SFXN4: variants seen among roughly 807,000 people sequenced by gnomAD.
SFXN4 encodes the protein sideroflexin-4.
SFXN4 carries 48 observed loss-of-function variants against 54.6 expected under a neutral mutation model. The observed-to-expected ratio is 0.88, with a 90% confidence interval of 0.70 to 1.12. The LOEUF is 1.12. Ranked by LOEUF, SFXN4 falls within the 50% of genes most tolerant of loss-of-function variation. The pLI, the probability that SFXN4 is intolerant of heterozygous loss-of-function variation, is 0.00. For missense variants in SFXN4, 383 were observed against 409.2 expected (o/e 0.94, Z 0.55); for synonymous variants, 130 against 145.5 (o/e 0.89, Z 0.77).
Position 119,146,428 on chromosome 10 carries a change from CGTGTGTGTGTGTGTGT to C in SFXN4, c.819-91_819-76del, listed in dbSNP as rs56031432. 2.9e-5 allele frequency: 16 copies of C among 559,674 alleles called. 2 individuals carry two copies. Among genetic ancestry groups the C allele is most frequent in the African/African-American group, 1.8e-4 (9 of 50,116 alleles). The allele number at this position is 559,674 out of a possible 1,614,324, so 34.7% of individuals were successfully genotyped here. A position where few individuals can be genotyped will look rare whatever the true frequency, so the allele number is the denominator to read the frequency against. On this transcript the variant is annotated intron_variant, in intron 12 of 13. Coordinates refer to ENST00000355697, the MANE Select transcript of SFXN4 (RefSeq NM_213649.2). ...TATTTTCTGAACAGCTGAATCAGGG[CGTGTGTGTGTGTGTGT>C]GTGTGTGTGTGTGTGTGCACGTGTG... is the stretch of plus-strand genomic sequence containing the variant.
chr10:119,160,973 CA>C lies in SFXN4; in HGVS notation c.280-5del. 1 of 1,614,046 alleles carries C rather than the reference CA, an allele frequency of 6.2e-7. No individual in the cohort carries two copies. The highest frequency in any genetic ancestry group is 8.5e-7 in the Non-Finnish European group (1 of 1,180,020). ...TGCTGTCGGGATGCACTGTTGCCTT[CA>C]AAAGGAGAGATGCAAGGTTAGCTGG... On this transcript the variant is annotated splice_polypyrimidine_tract_variant and splice_region_variant and intron_variant, in intron 4 of 13. Coordinates refer to ENST00000355697, the MANE Select transcript of SFXN4 (RefSeq NM_213649.2).
At position 119,141,328 on chromosome 10, in the gene SFXN4, T is replaced by C. The variant is rs370716265; in HGVS notation, c.937-9A>G. 5.0e-4 allele frequency: 759 copies of C among 1,519,032 alleles called. 2 individuals carry two copies. The highest frequency in any genetic ancestry group is 6.6e-4 in the Non-Finnish European group (730 of 1,108,122). The allele number at this position is 1,519,032 out of a possible 1,614,324, so 94.1% of individuals were successfully genotyped here. ...AGACTACAGTACTGTATCTGAAAAA[T>C]AGTTAAATTCATAATGTTTCTATTA... is the stretch of plus-strand genomic sequence containing the variant. On this transcript the variant is annotated splice_polypyrimidine_tract_variant and intron_variant, in intron 13 of 13. Coordinates refer to ENST00000355697, the MANE Select transcript of SFXN4 (RefSeq NM_213649.2).
chr10:119,165,512 T>G, intron 1 of SFXN4, 25 bp downstream of exon 1: 1 of 1,549,590 alleles, frequency 6.5e-7, no homozygotes, highest in Non-Finnish European at 8.7e-7. Context: ...TCCCTGCCCC[T>G]AGTCGCGCCG....
At chr10:119,165,443 A>G in intron 1 of SFXN4, 94 bp downstream of exon 1, 2 of 1,372,752 alleles carry the variant, frequency 1.5e-6, no homozygotes, top group South Asian at 3.1e-5. Context: ...GGGGGCGCCC[A>G]CGTGGCCTGG....
chr10:119,144,574 AT>A (rs1475169041), intron 13 of SFXN4, among the ~76,000 whole-genome samples: 6 of 151,156 alleles, frequency 4.0e-5, no homozygotes, highest in African/African-American at 7.3e-5. Context: ...AAAAAAAAAA[AT>A]GTCCTTGCTA....
intron 13 of SFXN4, among the ~76,000 whole-genome samples, chr10:119,144,826 C>T (rs1014860256): frequency 2.6e-5 from 4 of 152,074 alleles, no homozygotes; most frequent in African/African-American, 7.2e-5. Flanking sequence ...CTAGTCACAC[C>T]AGCCTCTCCT....
chr10:119,158,615 C>CAAAAAAA (rs35982987), intron 6 of SFXN4, among the ~76,000 whole-genome samples: 2 of 65,698 alleles, frequency 3.0e-5, no homozygotes, highest in Non-Finnish European at 5.3e-5. Context: ...GACTCCGTCT[C>CAAAAAAA]AAAAAAAAAA....
chr10:119,155,023 C>T, intron 11 of SFXN4, 39 bp downstream of exon 11: 1 of 1,446,068 alleles, frequency 6.9e-7, no homozygotes, highest in Non-Finnish European at 9.7e-7. Flanking sequence ...TAGTCGTTGC[C>T]CAAAAGGCAA....
chr10:119,165,569 G>T lies in SFXN4; in HGVS notation c.79C>A (p.Pro27Thr), dbSNP rs767558167. 6.3e-7 allele frequency: 1 copy of T among 1,592,106 alleles called. No individual in the cohort carries two copies. The highest frequency in any genetic ancestry group is 8.5e-7 in the Non-Finnish European group (1 of 1,171,238). Residue 27 changes from proline to threonine, a missense_variant, in exon 1 of 14, where the codon CCC becomes ACC. Pro to Thr is a conservative substitution (Grantham distance 38). Coordinates refer to ENST00000355697, the MANE Select transcript of SFXN4 (RefSeq NM_213649.2). ...TCGGTGATCCAGAAGCGCACGTTGGGCTCAATGAAGGCGGGGACGGCGTCT... is the reference window on the plus strand; with the variant it reads ...TCGGTGATCCAGAAGCGCACGTTGGTCTCAATGAAGGCGGGGACGGCGTCT... ...RRDAVPAFIE[P>T]NVRFWITERQ...
At chr10:119,142,546 C>CTTTTTT (rs35040668) in intron 13 of SFXN4, among the ~76,000 whole-genome samples, 1 of 118,268 alleles carries the variant, frequency 8.5e-6, no homozygotes. Context: ...TATTTTGTGT[C>CTTTTTT]TTTTTTTTTT....
At chr10:119,165,348 C>T (rs1847724963) in intron 1 of SFXN4, 189 bp downstream of exon 1, 2 of 1,305,880 alleles carry the variant, frequency 1.5e-6, no homozygotes, top group East Asian at 6.7e-5. Flanking sequence ...GCTTCGATTT[C>T]CCCTGCGTCC....
chr10:119,148,509 C>G (rs1414773226), intron 11 of SFXN4, among the ~76,000 whole-genome samples: 2 of 152,090 alleles, frequency 1.3e-5, no homozygotes, highest in Non-Finnish European at 2.9e-5. Context: ...ATTTCCCATC[C>G]AAGCCAAGTC....
chr10:119,146,278 C>T lies in SFXN4; in HGVS notation c.894G>A (p.Leu298=). ...ATATACTAAAAGAAAATGGCACCAT[C>T]AGTCCCATTGCCAGGACAGTACAAG... The part of the protein sequence containing the change: ...KLSCTVLAMG[L]MVPFSFSIFP... The change falls in exon 13 of 14, where the codon CTG becomes CTA. Residue 298 remains leucine (L), a synonymous_variant. Transcript: ENST00000355697. 5.6e-6 allele frequency: 9 copies of T among 1,612,916 alleles called. No homozygotes were observed. The highest frequency in any genetic ancestry group is 7.6e-6 in the Non-Finnish European group (9 of 1,179,142).
intron 12 of SFXN4, 62 bp downstream of exon 12, chr10:119,147,713 G>T: frequency 6.9e-7 from 1 of 1,443,048 alleles, no homozygotes; most frequent in South Asian, 1.1e-5. Context: ...GTCAGTATCT[G>T]ACAGGTTTTA....
intron 10 of SFXN4, among the ~76,000 whole-genome samples, chr10:119,156,036 T>C (rs1005393638): frequency 9.2e-5 from 14 of 152,178 alleles, no homozygotes; most frequent in Admixed American, 6.5e-4. Context: ...TGCCTCAGTC[T>C]CCTCCTCTGT....
At chr10:119,143,874 C>T (rs1452374907) in intron 13 of SFXN4, among the ~76,000 whole-genome samples, 1 of 152,152 alleles carries the variant, frequency 6.6e-6, no homozygotes, top group East Asian at 1.9e-4. Context: ...CGTTGGTCTC[C>T]CAAAGTGTTG....
chr10:119,146,428 C>CGTGTGTGT lies in SFXN4; in HGVS notation c.819-83_819-76dup, dbSNP rs56031432. On this transcript the variant is annotated intron_variant, in intron 12 of 13. Transcript: ENST00000355697. ...TATTTTCTGAACAGCTGAATCAGGG[C>CGTGTGTGT]GTGTGTGTGTGTGTGTGTGTGTGTG... 222 of 559,656 alleles carry CGTGTGTGT rather than the reference C, an allele frequency of 4.0e-4. 1 individual carries two copies. The highest frequency in any genetic ancestry group is 3.4e-3 in the African/African-American group (169 of 50,110). The allele number at this position is 559,656 out of a possible 1,614,324, so 34.7% of individuals were successfully genotyped here. A position where few individuals can be genotyped will look rare whatever the true frequency, so the allele number is the denominator to read the frequency against.
chr10:119,144,902 C>T (rs915184733), intron 13 of SFXN4, among the ~76,000 whole-genome samples: 1 of 152,190 alleles, frequency 6.6e-6, no homozygotes, highest in African/African-American at 2.4e-5. Flanking sequence ...TATTATAGAA[C>T]ATTTCCATCA....
At chr10:119,144,009 C>T (rs1346576675) in intron 13 of SFXN4, among the ~76,000 whole-genome samples, 2 of 152,174 alleles carry the variant, frequency 1.3e-5, no homozygotes, top group Non-Finnish European at 2.9e-5. Context: ...GAAACTTCTA[C>T]GTTGTGCTGG....
Sources: allele counts gnomAD v4.1 joint callset (sites outside exome capture counted in the v4.1 genomes callset), GRCh38; gene constraint gnomAD v4.1.1; transcripts MANE v1.5; gene names NCBI Gene and HGNC (gene_info 2026-07-23, HGNC 2026-07-21).